Variants in POU3F3 observed in about 807,000 individuals in gnomAD.
The protein encoded by POU3F3 is POU class 3 homeobox 3, also known as POU domain, class 3, transcription factor 3.
Under a neutral mutation model 8.6 loss-of-function variants are expected in POU3F3, and 1 was observed. The observed-to-expected ratio is 0.12, with a 90% CI of 0.04 to 0.55. The LOEUF is 0.55. Ranked by LOEUF, POU3F3 falls within the 20% of genes least tolerant of loss-of-function variation. The probability of loss-of-function intolerance (pLI) is 0.91; values close to 1 mark genes in which losing one functional copy is unlikely to be tolerated. For synonymous variants in POU3F3, 418 were observed against 327.4 expected, an observed-to-expected ratio of 1.28 and a Z score of -2.99; for missense variants, 577 against 690.7, an observed-to-expected ratio of 0.84 and a Z score of 1.84.
the POU3F3 span, among the ~76,000 whole-genome samples, chr2:104,871,265 T>C: frequency 6.6e-6 from 1 of 152,230 alleles, no homozygotes; most frequent in Admixed American, 6.5e-5. Context: ...CTCCATTATT[T>C]ACCAGCAGTA....
At chr2:104,913,492 T>C in the POU3F3 span, among the ~76,000 whole-genome samples, 1 of 152,188 alleles carries the variant, frequency 6.6e-6, no homozygotes, top group Non-Finnish European at 1.5e-5. Flanking sequence ...CATCACCCTC[T>C]GTGTCTATCA....
the POU3F3 span, among the ~76,000 whole-genome samples, chr2:104,902,759 TA>T: frequency 6.6e-6 from 1 of 152,240 alleles, no homozygotes; most frequent in African/African-American, 2.4e-5. Flanking sequence ...CTTACCTGAA[TA>T]AAAGGGAGAA....
the POU3F3 span, among the ~76,000 whole-genome samples, chr2:104,907,131 A>G: frequency 2.0e-5 from 3 of 151,940 alleles, no homozygotes; most frequent in Admixed American, 2.0e-4. Flanking sequence ...CCATCTCTCT[A>G]ACATGCCAAG....
rs2104340117 is a variant in POU3F3 at position 104,855,950 on chromosome 2, C to G, written c.440C>G (p.Pro147Arg). The G allele has an allele frequency of 9.4e-7, 1 of 1,061,140 alleles. No homozygotes were observed. The highest frequency in any genetic ancestry group is 1.1e-6 in the Non-Finnish European group (1 of 876,726). The allele number at this position is 1,061,140 out of a possible 1,614,324, so 65.7% of individuals were successfully genotyped here. Residue 147 changes from proline to arginine, a missense_variant, in exon 1 of 1, where the codon CCC (proline) becomes CGC (arginine). Physicochemically the swap from Pro to Arg is moderately radical, Grantham distance 103. Around this residue, in one of 7 missense-constraint regions of POU3F3, gnomAD observed 484 missense variants for 422.6 expected, o/e 1.15. Transcript: ENST00000361360. ...CCGCCGCCGCCACCGCCGCAGGGCCCCGACGTGAAGGGCGGCGCCGGGCGC... is the reference window on the plus strand; with the variant it reads ...CCGCCGCCGCCACCGCCGCAGGGCCGCGACGTGAAGGGCGGCGCCGGGCGC... ...PQPPPPPPQGPDVKGGAGRDD... is the reference protein window; with the variant it reads ...PQPPPPPPQGRDVKGGAGRDD...
chr2:104,911,813 C>CGAGA, the POU3F3 span, among the ~76,000 whole-genome samples: 1 of 151,022 alleles, frequency 6.6e-6, no homozygotes, highest in African/African-American at 2.4e-5. Flanking sequence ...CAAGTGGTCT[C>CGAGA]GAGAGAGAGA....
chr2:104,859,351 T>A (rs1676629257), downstream of POU3F3, among the ~76,000 whole-genome samples: 1 of 152,210 alleles, frequency 6.6e-6, no homozygotes. Context: ...ATCAAGTTAA[T>A]GTTTCAATAT....
the POU3F3 span, among the ~76,000 whole-genome samples, chr2:104,909,172 A>G: frequency 2.6e-5 from 4 of 152,220 alleles, no homozygotes; most frequent in Non-Finnish European, 5.9e-5. Context: ...CACATTTTCA[A>G]TTCAGCTAGT....
At chr2:104,910,821 T>G in the POU3F3 span, among the ~76,000 whole-genome samples, 1 of 151,442 alleles carries the variant, frequency 6.6e-6, no homozygotes, top group African/African-American at 2.4e-5. Flanking sequence ...GAACTATGGA[T>G]GTAAAATGCT....
chr2:104,920,145 C>G, the POU3F3 span, among the ~76,000 whole-genome samples: 1 of 152,166 alleles, frequency 6.6e-6, no homozygotes, highest in Non-Finnish European at 1.5e-5. Flanking sequence ...CACCCGAGCA[C>G]CTGGAATTAC....
chr2:104,900,189 G>C, the POU3F3 span, among the ~76,000 whole-genome samples: 1 of 152,158 alleles, frequency 6.6e-6, no homozygotes, highest in Admixed American at 6.5e-5. Context: ...CCAATGGAGG[G>C]CTGGATAAAA....
the POU3F3 span, chr2:104,872,194 C>T: frequency 2.2e-6 from 1 of 455,108 alleles, no homozygotes; most frequent in Non-Finnish European, 4.4e-6. This position sits in a 1 kb window ranked among gnomAD's most constrained non-coding sequence, Gnocchi z 4.6. Flanking sequence ...GCTGCGCCCT[C>T]CCTCTCCTCA....
rs1676567708 is a variant in POU3F3 at position 104,856,315 on chromosome 2, G to GAGCACC, written c.807_812dup (p.His270_His271insGlnHis). ...GCGCGGGGACACGCCAGAGCTGGCCGAGCACCACCACCACCACCACCACCA... is the reference window on the plus strand; with the variant it reads ...GCGCGGGGACACGCCAGAGCTGGCCGAGCACCAGCACCACCACCACCACCACCACCA... On this transcript the variant is annotated inframe_insertion, in exon 1 of 1. Coordinates refer to ENST00000361360, the MANE Select transcript of POU3F3 (RefSeq NM_006236.3). 37 of 1,506,070 alleles carry GAGCACC rather than the reference G, an allele frequency of 2.5e-5. No homozygotes were observed. Among genetic ancestry groups the GAGCACC allele is most frequent in the Non-Finnish European group, 3.1e-5 (35 of 1,133,758 alleles). The allele number at this position is 1,506,070 out of a possible 1,614,324, so 93.3% of individuals were successfully genotyped here. A position where few individuals can be genotyped will look rare whatever the true frequency, so the allele number is the denominator to read the frequency against.
chr2:104,875,179 A>G, the POU3F3 span, among the ~76,000 whole-genome samples: 1 of 152,210 alleles, frequency 6.6e-6, no homozygotes, highest in Non-Finnish European at 1.5e-5. Context: ...CTTCCCTTTT[A>G]GGGCTGAATA....
chr2:104,868,075 A>G, the POU3F3 span: 1 of 359,534 alleles, frequency 2.8e-6, no homozygotes, highest in Non-Finnish European at 5.5e-6. Flanking sequence ...AGACTGGAAG[A>G]GTTGAAATCA....
chr2:104,856,113 C>T lies in POU3F3; in HGVS notation c.603C>T (p.Ala201=), dbSNP rs1305809052. The change falls in exon 1 of 1, where the codon GCC becomes GCT. Residue 201 remains alanine (A), a synonymous_variant. Transcript: ENST00000361360. ...CCGCAGCCGCAGCCGCCGCCGCCGC[C>T]GCCGCCGCGCACCTCCCGTCCATGG... ...AAAAAAAAAA[A]AAAHLPSMAG... is the part of the protein sequence containing the mutation. 1.3e-5 allele frequency: 15 copies of T among 1,128,102 alleles called. No homozygotes were observed. Among genetic ancestry groups the T allele is most frequent in the South Asian group, 7.9e-5 (2 of 25,372 alleles). The allele number at this position is 1,128,102 out of a possible 1,614,324, so 69.9% of individuals were successfully genotyped here. A position where few individuals can be genotyped will look rare whatever the true frequency, so the allele number is the denominator to read the frequency against.
At chr2:104,918,415 C>T in the POU3F3 span, among the ~76,000 whole-genome samples, 7 of 152,186 alleles carry the variant, frequency 4.6e-5, no homozygotes, top group Non-Finnish European at 1.0e-4. Flanking sequence ...TCACTCAGAA[C>T]GTGACCTTAT....
chr2:104,876,784 A>G, the POU3F3 span, among the ~76,000 whole-genome samples: 1 of 152,190 alleles, frequency 6.6e-6, no homozygotes, highest in Admixed American at 6.5e-5. Context: ...GCCAGAGATG[A>G]GAGAAACCAG....
At position 104,856,157 on chromosome 2, in the gene POU3F3, C is replaced by T. The variant is rs890183703; in HGVS notation, c.647C>T (p.Pro216Leu). ...LPSMAGGQQP[P>L]PQSLLYSQPG... ...TCCATGGCCGGGGGCCAGCAGCCGC[C>T]GCCGCAGAGTCTGCTCTACTCGCAG... is the stretch of plus-strand genomic sequence containing the variant. Residue 216 changes from proline to leucine, a missense_variant, in exon 1 of 1, where the codon CCG becomes CTG. Pro to Leu is a moderately conservative substitution (Grantham distance 98). Transcript: ENST00000361360. 4 of 1,252,368 alleles carry T rather than the reference C, an allele frequency of 3.2e-6. No homozygotes were observed. In the African/African-American group the frequency reaches 4.8e-5, roughly 15 times the overall value. 77.6% of individuals were successfully genotyped at this position (1,252,368 alleles called of 1,614,324 possible). A position where few individuals can be genotyped will look rare whatever the true frequency, so the allele number is the denominator to read the frequency against.
chr2:104,878,225 G>A, the POU3F3 span, among the ~76,000 whole-genome samples: 1 of 152,158 alleles, frequency 6.6e-6, no homozygotes, highest in African/African-American at 2.4e-5. Flanking sequence ...GATTCTAAAG[G>A]TCAGAGTGGA....
Sources: gnomAD v4.1 joint callset for allele counts (sites outside exome capture counted in the v4.1 genomes callset) on GRCh38, gnomAD v4.1.1 for gene constraint, gnomAD v4.1.1 regional missense constraint, Gnocchi (gnomAD v3.1) non-coding constraint, MANE v1.5 for transcripts, NCBI Gene and HGNC (gene_info 2026-07-23, HGNC 2026-07-21) for gene names.